DENND11: variants seen among roughly 807,000 people sequenced by gnomAD.
The protein encoded by DENND11 is DENN domain containing 11.
In DENND11, 34 loss-of-function variants were observed where a neutral mutation model predicts 49.2. That is an observed-to-expected ratio of 0.69 (90% confidence interval 0.53 to 0.92). The LOEUF is 0.92. Ranked by LOEUF, DENND11 falls within the 40% of genes least tolerant of loss-of-function variation. DENND11 has a pLI of 0.00. For synonymous variants in DENND11, 238 were observed against 230.3 expected, an observed-to-expected ratio of 1.03 and a Z score of -0.30; for missense variants, 475 against 581.6, an observed-to-expected ratio of 0.82 and a Z score of 1.88.
At chr7:141,685,026 AAAAATATATATATAT>A (rs1328204930) in intron 3 of DENND11, among the ~76,000 whole-genome samples, 4 of 101,690 alleles carry the variant, frequency 3.9e-5, no homozygotes, top group African/African-American at 9.8e-5. Context: ...AAAAAAAAAA[AAAAATATATATATAT>A]ATATATATAT....
intron 1 of DENND11, among the ~76,000 whole-genome samples, chr7:141,694,409 C>T (rs543045266): frequency 1.3e-5 from 2 of 152,128 alleles, no homozygotes; most frequent in African/African-American, 2.4e-5. Context: ...TACAGGTATG[C>T]GCCACCATGC....
Position 141,663,155 on chromosome 7 carries a change from GC to G in DENND11, c.1173-305del, listed in dbSNP as rs1005278355. On this transcript the variant is annotated intron_variant, in intron 8 of 8. Coordinates refer to ENST00000536163, the MANE Select transcript of DENND11 (RefSeq NM_001080392.2). ...GGGTTTAAACACAGCCTGAGAAGAGGCCCCCAAACACTGCTTTTCTCTCTTT... is the reference window on the plus strand; with the variant it reads ...GGGTTTAAACACAGCCTGAGAAGAGGCCCCAAACACTGCTTTTCTCTCTTT... 5.4e-4 allele frequency: 150 copies of G among 279,432 alleles called. No individual in the cohort carries two copies. In the Middle Eastern group the frequency reaches 6.9e-3, roughly 13 times the overall value. 17.3% of individuals were successfully genotyped at this position (279,432 alleles called of 1,614,324 possible). A position where few individuals can be genotyped will look rare whatever the true frequency, so the allele number is the denominator to read the frequency against.
chr7:141,668,572 C>G (rs780469424), intron 4 of DENND11, among the ~76,000 whole-genome samples: 3 of 151,940 alleles, frequency 2.0e-5, no homozygotes, highest in Non-Finnish European at 4.4e-5. Flanking sequence ...GGCAACAATG[C>G]GAGACTGTCT....
rs562553452 is a variant in DENND11, at chr7:141,684,534, G to C, written c.527+944C>G. 9.8e-4 allele frequency among the ~76,000 whole-genome samples: 149 copies of C among 152,194 alleles called. 1 individual carries two copies. Among genetic ancestry groups the C allele is most frequent in the African/African-American group, 3.4e-3 (142 of 41,534 alleles). ...GATATCTGTGAGTGTTAATATATGA[G>C]AGGATTTTTAAAAATCCTCTGTACT... On this transcript the variant is annotated intron_variant, in intron 3 of 8. Coordinates refer to ENST00000536163, the MANE Select transcript of DENND11 (RefSeq NM_001080392.2).
At chr7:141,685,047 T>A (rs1798215662) in intron 3 of DENND11, among the ~76,000 whole-genome samples, 2 of 139,870 alleles carry the variant, frequency 1.4e-5, no homozygotes, top group African/African-American at 2.6e-5. Flanking sequence ...TATATATATA[T>A]ATATATATAT....
At chr7:141,698,844 T>C (rs1415495723) in intron 1 of DENND11, among the ~76,000 whole-genome samples, 2 of 151,902 alleles carry the variant, frequency 1.3e-5, no homozygotes, top group African/African-American at 4.8e-5. Flanking sequence ...TCCCTCTCTC[T>C]CAGGCACACA....
rs1187639898 is a variant in DENND11, at chr7:141,661,164, G to T, written c.*1492C>A. On this transcript the variant is annotated 3_prime_UTR_variant, in exon 9 of 9. Transcript: ENST00000536163. Reference sequence around the variant, plus strand: ...CTGCTGTGTACATTAGTCTGGCTGGGTGTTGGTCACAGACATGGATGCACT... The same window carrying T: ...CTGCTGTGTACATTAGTCTGGCTGGTTGTTGGTCACAGACATGGATGCACT... 6.6e-6 allele frequency: 1 copy of T among 152,210 alleles called. No individual in the cohort carries two copies. The highest frequency in any genetic ancestry group is 1.9e-4 in the East Asian group (1 of 5,200). The allele number at this position is 152,210 out of a possible 1,614,324, so 9.4% of individuals were successfully genotyped here.
intron 1 of DENND11, among the ~76,000 whole-genome samples, chr7:141,694,129 T>A (rs1798371772): frequency 6.6e-6 from 1 of 152,094 alleles, no homozygotes; most frequent in Admixed American, 6.5e-5. Context: ...AAAACTAAAA[T>A]TGCTCTAAAA....
intron 1 of DENND11, 179 bp downstream of exon 1, chr7:141,701,707 G>A (rs1798521810): frequency 5.0e-6 from 2 of 396,128 alleles, no homozygotes; most frequent in Admixed American, 1.1e-4. Context: ...CCCCGAGGGA[G>A]AGAGCTGAGG....
rs1437257908 is a variant in DENND11, at chr7:141,702,068, G to A, written c.86C>T (p.Ala29Val). Residue 29 changes from alanine (A) to valine (V), a missense_variant, in exon 1 of 9, where the codon GCG (alanine) becomes GTG (valine). By Grantham distance (64) the Ala-to-Val change is moderately conservative. Transcript: ENST00000536163. Reference protein sequence around the residue: ...VSLPQAPQPQAGGWGRGGGGG... With the variant: ...VSLPQAPQPQVGGWGRGGGGG... ...GCCGCCGCCCCGGCCCCAGCCTCCCGCCTGCGGCTGCGGGGCCTGCGGCAG... is the reference window on the plus strand; with the variant it reads ...GCCGCCGCCCCGGCCCCAGCCTCCCACCTGCGGCTGCGGGGCCTGCGGCAG... 2 of 987,674 alleles carry A rather than the reference G, an allele frequency of 2.0e-6. No homozygotes were observed. The highest frequency in any genetic ancestry group is 2.2e-4 in the East Asian group (2 of 8,916). 61.2% of individuals were successfully genotyped at this position (987,674 alleles called of 1,614,324 possible).
chr7:141,668,485 C>T (rs1274444784), intron 4 of DENND11, among the ~76,000 whole-genome samples: 1 of 152,196 alleles, frequency 6.6e-6, no homozygotes, highest in African/African-American at 2.4e-5. Flanking sequence ...ACTTGGGAGG[C>T]TGAGGCAGAA....
At chr7:141,698,156 C>A (rs376298406) in intron 1 of DENND11, among the ~76,000 whole-genome samples, 26 of 152,194 alleles carry the variant, frequency 1.7e-4, no homozygotes, top group African/African-American at 5.8e-4. Context: ...ATGTTCAAAG[C>A]TTCATCGGCC....
rs1221918535 is a variant in DENND11 at position 141,657,445 on chromosome 7, A to C, written c.*5211T>G. Reference sequence around the variant, plus strand: ...TTTCTTTAGTTTACCCAAAGGAAGGAGTTTTCACTCTAATGTCAATATATT... The same window carrying C: ...TTTCTTTAGTTTACCCAAAGGAAGGCGTTTTCACTCTAATGTCAATATATT... On this transcript the variant is annotated 3_prime_UTR_variant, in exon 9 of 9. Transcript: ENST00000536163. 2 of 152,182 alleles carry C rather than the reference A, an allele frequency of 1.3e-5. No homozygotes were observed. Among genetic ancestry groups the C allele is most frequent in the Non-Finnish European group, 2.9e-5 (2 of 68,040 alleles). 9.4% of individuals were successfully genotyped at this position (152,182 alleles called of 1,614,324 possible).
At chr7:141,701,373 C>A (rs1433456437) in intron 1 of DENND11, among the ~76,000 whole-genome samples, 1 of 107,858 alleles carries the variant, frequency 9.3e-6, no homozygotes, top group Non-Finnish European at 1.9e-5. Context: ...GAGCGGGGAG[C>A]GGGGGACGGG....
intron 1 of DENND11, among the ~76,000 whole-genome samples, chr7:141,687,631 A>ACTT (rs1554410465): frequency 8.9e-6 from 1 of 112,826 alleles, no homozygotes; most frequent in African/African-American, 3.3e-5. Flanking sequence ...CACTCGGCTA[A>ACTT]TTTTTTTTTT....
At chr7:141,701,824 GC>G in intron 1 of DENND11, 61 bp downstream of exon 1, 3 of 1,126,850 alleles carry the variant, frequency 2.7e-6, no homozygotes, top group Non-Finnish European at 3.3e-6. Flanking sequence ...CCTCCCCCGC[GC>G]CCCCAAAGCT....
At chr7:141,677,529 A>AT (rs1798082766) in intron 3 of DENND11, among the ~76,000 whole-genome samples, 2 of 146,312 alleles carry the variant, frequency 1.4e-5, no homozygotes, top group Admixed American at 1.4e-4. Flanking sequence ...ATGTATATAT[A>AT]TATATATATC....
chr7:141,701,440 C>A (rs1024063795), intron 1 of DENND11: 3 of 7,034 alleles, frequency 4.3e-4, no homozygotes, highest in Admixed American at 1.7e-3. Context: ...GAGCGGGGGA[C>A]GGGATGGGGG....
chr7:141,689,713 A>G (rs1428725846), intron 1 of DENND11, among the ~76,000 whole-genome samples: 1 of 152,250 alleles, frequency 6.6e-6, no homozygotes, highest in African/African-American at 2.4e-5. Context: ...TATTTGTACA[A>G]CAGAAACCTC....
Sources: gnomAD v4.1 joint callset for allele counts (sites outside exome capture counted in the v4.1 genomes callset) on GRCh38, gnomAD v4.1.1 for gene constraint, MANE v1.5 for transcripts, NCBI Gene and HGNC (gene_info 2026-07-23, HGNC 2026-07-21) for gene names.